Variants in GRIN2A observed in about 807,000 individuals in gnomAD.
GRIN2A encodes the protein glutamate receptor ionotropic, NMDA 2A.
GRIN2A carries 22 observed loss-of-function variants against 113.4 expected under a neutral mutation model. That is an observed-to-expected ratio of 0.19 (90% CI 0.14 to 0.28). The LOEUF (loss-of-function observed/expected upper bound fraction) is 0.28. Ranked by LOEUF, GRIN2A falls within the 10% of genes least tolerant of loss-of-function variation. The pLI, the probability that GRIN2A is intolerant of heterozygous loss-of-function variation, is 1.00. For missense variants in GRIN2A, 1,502 were observed against 1,887.0 expected (o/e 0.80, Z 3.78); for synonymous variants, 827 against 738.4 (o/e 1.12, Z -1.94).
Position 9,760,282 on chromosome 16 carries a change from G to T in GRIN2A, c.*2867C>A. The T allele has an allele frequency of 4.6e-6, 1 of 215,272 alleles. No individual in the cohort carries two copies. The highest frequency in any genetic ancestry group is 9.3e-6 in the Non-Finnish European group (1 of 107,750). 13.3% of individuals were successfully genotyped at this position (215,272 alleles called of 1,614,324 possible). On this transcript the variant is annotated 3_prime_UTR_variant, in exon 13 of 13. Transcript: ENST00000330684. ...ATTTACCACTGGACGTTACATTCCTGATATTCTTTTTGCAAAGACTGAACT... is the reference window on the plus strand; with the variant it reads ...ATTTACCACTGGACGTTACATTCCTTATATTCTTTTTGCAAAGACTGAACT...
chr16:9,890,192 A>G (rs535135153), intron 4 of GRIN2A, among the ~76,000 whole-genome samples: 2 of 152,358 alleles, frequency 1.3e-5, no homozygotes, highest in Admixed American at 6.5e-5. Context: ...GTCAAAAAAC[A>G]TAACAAAAAA....
At chr16:9,945,586 T>C (rs2045000148) in intron 2 of GRIN2A, among the ~76,000 whole-genome samples, 1 of 152,156 alleles carries the variant, frequency 6.6e-6, no homozygotes, top group Admixed American at 6.5e-5. Context: ...GTGCCACCAG[T>C]GTCTCCCAAT....
intron 11 of GRIN2A, among the ~76,000 whole-genome samples, chr16:9,784,441 C>CAAAAAAA (rs71400493): frequency 7.9e-6 from 1 of 126,670 alleles, no homozygotes; most frequent in Non-Finnish European, 1.7e-5. Flanking sequence ...CAACAACAAC[C>CAAAAAAA]AAAAAAAAAA....
chr16:10,055,455 A>G (rs2047441918), intron 2 of GRIN2A, among the ~76,000 whole-genome samples: 1 of 152,212 alleles, frequency 6.6e-6, no homozygotes, highest in African/African-American at 2.4e-5. Flanking sequence ...AGAGAAAAAG[A>G]AAAGATTTAA....
intron 3 of GRIN2A, among the ~76,000 whole-genome samples, chr16:9,905,331 T>C (rs1301806206): frequency 6.6e-6 from 1 of 152,208 alleles, no homozygotes; most frequent in African/African-American, 2.4e-5. Context: ...CATTACTCCA[T>C]TTCTACTTGC....
intron 2 of GRIN2A, among the ~76,000 whole-genome samples, chr16:10,119,290 T>G (rs1240357174): frequency 1.3e-5 from 2 of 152,354 alleles, no homozygotes; most frequent in East Asian, 3.9e-4. Flanking sequence ...AGATCCTCAT[T>G]ACACTTAGAA....
intron 3 of GRIN2A, among the ~76,000 whole-genome samples, chr16:9,923,603 A>T (rs1244490013): frequency 6.6e-6 from 1 of 151,310 alleles, no homozygotes; most frequent in Non-Finnish European, 1.5e-5. Context: ...GTTTGTTTAG[A>T]GTTTATAGTA....
intron 2 of GRIN2A, among the ~76,000 whole-genome samples, chr16:9,987,933 A>G (rs2046010799): frequency 6.6e-6 from 1 of 152,234 alleles, no homozygotes; most frequent in Non-Finnish European, 1.5e-5. Context: ...AAGACTGTAC[A>G]GCTAATACTT....
intron 10 of GRIN2A, among the ~76,000 whole-genome samples, chr16:9,801,477 G>C (rs1903357909): frequency 6.6e-6 from 1 of 152,140 alleles, no homozygotes; most frequent in South Asian, 2.1e-4. Context: ...TGCTAGGCTG[G>C]AAATCTACAC....
rs980261071 is a variant in GRIN2A, at chr16:10,112,489, G to A, written c.414+67509C>T. The A allele has an allele frequency of 2.4e-5, 21 of 882,344 alleles. 1 individual carries two copies. Among genetic ancestry groups the A allele is most frequent in the Non-Finnish European group, 4.1e-5 (21 of 517,802 alleles). The allele number at this position is 882,344 out of a possible 1,614,324, so 54.7% of individuals were successfully genotyped here. A position where few individuals can be genotyped will look rare whatever the true frequency, so the allele number is the denominator to read the frequency against. On this transcript the variant is annotated intron_variant, in intron 2 of 12. Coordinates refer to ENST00000330684, the MANE Select transcript of GRIN2A (RefSeq NM_001134407.3). ...GCCGATGTGGCATCCAGACCGTGGGGCACGTGGTCAAGGCCCTGGCCCTTG... is the reference window on the plus strand; with the variant it reads ...GCCGATGTGGCATCCAGACCGTGGGACACGTGGTCAAGGCCCTGGCCCTTG...
intron 2 of GRIN2A, among the ~76,000 whole-genome samples, chr16:10,177,284 C>A (rs573469721): frequency 3.3e-5 from 5 of 152,126 alleles, no homozygotes; most frequent in African/African-American, 1.2e-4. Context: ...CCTTTTAAAC[C>A]AACTTCTCTT....
At chr16:10,176,353 G>A (rs1026073509) in intron 2 of GRIN2A, among the ~76,000 whole-genome samples, 18 of 151,932 alleles carry the variant, frequency 1.2e-4, no homozygotes, top group African/African-American at 4.1e-4. Flanking sequence ...CCAATGATGC[G>A]AGCAAAACAT....
At chr16:9,989,373 A>G (rs2141810050) in intron 2 of GRIN2A, among the ~76,000 whole-genome samples, 1 of 152,290 alleles carries the variant, frequency 6.6e-6, no homozygotes, top group South Asian at 2.1e-4. Flanking sequence ...ATCTTTTACT[A>G]TATACAAAAA....
chr16:9,964,077 C>T (rs1263520560), intron 2 of GRIN2A, among the ~76,000 whole-genome samples: 1 of 152,110 alleles, frequency 6.6e-6, no homozygotes, highest in African/African-American at 2.4e-5. Flanking sequence ...GAGAGGGCTC[C>T]CAAGAAAACA....
intron 2 of GRIN2A, among the ~76,000 whole-genome samples, chr16:10,070,107 CCT>C (rs1428237983): frequency 6.6e-6 from 1 of 152,206 alleles, no homozygotes; most frequent in African/African-American, 2.4e-5. Context: ...CTCTTCTCTA[CCT>C]GAGTGGTAGC....
chr16:10,101,487 G>A (rs2048393338), intron 2 of GRIN2A, among the ~76,000 whole-genome samples: 1 of 152,210 alleles, frequency 6.6e-6, no homozygotes, highest in African/African-American at 2.4e-5. Context: ...GGCTCAAACT[G>A]CCAGGAAGCT....
chr16:9,753,931 A>G lies in GRIN2A; in HGVS notation c.*9218T>C, dbSNP rs1038527675. On this transcript the variant is annotated 3_prime_UTR_variant, in exon 13 of 13. Coordinates refer to ENST00000330684, the MANE Select transcript of GRIN2A (RefSeq NM_001134407.3). ...CAATCCTAGCCTTGTTGGGTTAAAA[A>G]TGGACTCAGACATAAACCTGGATAG... 21 of 178,614 alleles carry G rather than the reference A, an allele frequency of 1.2e-4. No homozygotes were observed. The highest frequency in any genetic ancestry group is 4.7e-4 in the African/African-American group (20 of 42,446). The allele number at this position is 178,614 out of a possible 1,614,324, so 11.1% of individuals were successfully genotyped here. A position where few individuals can be genotyped will look rare whatever the true frequency, so the allele number is the denominator to read the frequency against.
intron 4 of GRIN2A, among the ~76,000 whole-genome samples, chr16:9,860,710 G>A (rs575647400): frequency 2.0e-5 from 3 of 152,130 alleles, no homozygotes; most frequent in Non-Finnish European, 4.4e-5. Flanking sequence ...GGATGACACA[G>A]GCCATGATGG....
intron 2 of GRIN2A, among the ~76,000 whole-genome samples, chr16:9,967,424 G>C (rs971988716): frequency 3.3e-5 from 5 of 152,166 alleles, no homozygotes; most frequent in African/African-American, 1.2e-4. Context: ...TGATACAATG[G>C]GCCGGGCACA....
Sources: allele counts gnomAD v4.1 joint callset (sites outside exome capture counted in the v4.1 genomes callset), GRCh38; gene constraint gnomAD v4.1.1; transcripts MANE v1.5; gene names NCBI Gene and HGNC (gene_info 2026-07-23, HGNC 2026-07-21).